The following LRP1B variants were observed in gnomAD, a reference collection of about 807,000 sequenced individuals.
LRP1B encodes LDL receptor related protein 1B.
LRP1B carries 217 observed loss-of-function variants against 556.6 expected under a neutral mutation model. That is an observed-to-expected ratio of 0.39 (90% CI 0.35 to 0.44). The LOEUF is 0.44. LRP1B is among the 20% of genes least tolerant of loss of function. The pLI, the probability that LRP1B is intolerant of heterozygous loss-of-function variation, is 1.00. For synonymous variants in LRP1B, 2,047 were observed against 1,865.8 expected (o/e 1.10, Z -2.50); for missense variants, 5,053 against 5,620.8 (o/e 0.90, Z 3.23).
intron 35 of LRP1B, among the ~76,000 whole-genome samples, chr2:140,725,940 A>G (rs940109295): frequency 1.3e-5 from 2 of 152,178 alleles, no homozygotes; most frequent in African/African-American, 4.8e-5. Flanking sequence ...TAAATTCAGT[A>G]GTTCTCAAAT....
At chr2:140,794,825 C>A (rs1422638450) in intron 32 of LRP1B, among the ~76,000 whole-genome samples, 2 of 152,020 alleles carry the variant, frequency 1.3e-5, no homozygotes, top group South Asian at 4.2e-4. Context: ...GTTGGTCAGG[C>A]TGGTCTCAAA....
At chr2:142,122,091 T>C (rs978414448) in intron 1 of LRP1B, among the ~76,000 whole-genome samples, 1 of 152,126 alleles carries the variant, frequency 6.6e-6, no homozygotes, top group African/African-American at 2.4e-5. Context: ...CATAGCTATG[T>C]TTATCTTCTC....
At chr2:141,932,347 G>C (rs74685739) in intron 1 of LRP1B, among the ~76,000 whole-genome samples, 6 of 151,964 alleles carry the variant, frequency 3.9e-5, no homozygotes, top group Admixed American at 3.9e-4. Context: ...AGAGTACACC[G>C]TTCATTACTT....
At chr2:140,689,118 C>G (rs1181936502) in intron 41 of LRP1B, among the ~76,000 whole-genome samples, 1 of 152,182 alleles carries the variant, frequency 6.6e-6, no homozygotes. Flanking sequence ...TTAAAGCAAA[C>G]TAAATATGGC....
intron 3 of LRP1B, among the ~76,000 whole-genome samples, chr2:141,380,319 T>C (rs1689590845): frequency 6.6e-6 from 1 of 152,110 alleles, no homozygotes; most frequent in South Asian, 2.1e-4. Context: ...TCCAAGAGTC[T>C]GGCTTCTAAC....
intron 1 of LRP1B, among the ~76,000 whole-genome samples, chr2:141,959,159 T>C (rs1448841009): frequency 6.6e-6 from 1 of 151,600 alleles, no homozygotes; most frequent in East Asian, 1.9e-4. Flanking sequence ...AGAAACATCA[T>C]TTACTGAAAA....
intron 18 of LRP1B, among the ~76,000 whole-genome samples, chr2:140,962,362 C>T (rs759582444): frequency 3.3e-5 from 5 of 152,140 alleles, no homozygotes; most frequent in Non-Finnish European, 7.4e-5. Flanking sequence ...ATCTAGAACA[C>T]AGTGGCTAAA....
At chr2:141,238,646 G>A (rs1449623363) in intron 5 of LRP1B, among the ~76,000 whole-genome samples, 2 of 152,134 alleles carry the variant, frequency 1.3e-5, no homozygotes, top group African/African-American at 4.8e-5. Context: ...TTGTTTGGCA[G>A]TGATAAATTC....
intron 1 of LRP1B, among the ~76,000 whole-genome samples, chr2:141,976,499 C>G (rs1337089459): frequency 1.3e-5 from 2 of 152,020 alleles, no homozygotes; most frequent in African/African-American, 4.8e-5. Context: ...GATCTCTCTG[C>G]TTTAGTGGGG....
intron 40 of LRP1B, among the ~76,000 whole-genome samples, 162 bp downstream of exon 40, chr2:140,701,559 T>A (rs1417337205): frequency 1.3e-5 from 2 of 152,126 alleles, no homozygotes; most frequent in East Asian, 1.9e-4. Context: ...GACATATTTA[T>A]TGTATTAGGC....
intron 31 of LRP1B, among the ~76,000 whole-genome samples, chr2:140,832,680 G>A (rs1458556095): frequency 6.6e-6 from 1 of 152,164 alleles, no homozygotes; most frequent in East Asian, 1.9e-4. Context: ...ATATATGGAA[G>A]CTAAAAAAGT....
chr2:140,410,657 T>G (rs1165834258), intron 66 of LRP1B, among the ~76,000 whole-genome samples: 2 of 152,170 alleles, frequency 1.3e-5, no homozygotes, highest in East Asian at 3.8e-4. Flanking sequence ...AAGCAAAGTA[T>G]CTCAATGGAT....
rs1446240887 is a variant in LRP1B, at chr2:140,867,773, G to T, written c.4396C>A (p.His1466Asn). ...GCAAAGGGATGGGAAAGGTATTCATGACCTCGGATGATTTCTATCATGTTT... is the reference window on the plus strand; with the variant it reads ...GCAAAGGGATGGGAAAGGTATTCATTACCTCGGATGATTTCTATCATGTTT... Reference protein sequence around the residue: ...GTNMIEIIRGHEYLSHPFAVS... With the variant: ...GTNMIEIIRGNEYLSHPFAVS... The change falls in exon 27 of 91, where the codon CAT becomes AAT. Residue 1466 changes from histidine (H) to asparagine (N), a missense_variant. By Grantham distance (68) the His-to-Asn change is moderately conservative. Around this residue, in one of 5 missense-constraint regions of LRP1B, gnomAD observed 3,619 missense variants for 3,931.9 expected, o/e 0.92. Transcript: ENST00000389484. The T allele has an allele frequency of 6.2e-7, 1 of 1,607,734 alleles. No individual in the cohort carries two copies. The highest frequency in any genetic ancestry group is 8.5e-7 in the Non-Finnish European group (1 of 1,176,708).
At chr2:140,730,502 A>C (rs1687741125) in intron 35 of LRP1B, among the ~76,000 whole-genome samples, 1 of 152,196 alleles carries the variant, frequency 6.6e-6, no homozygotes, top group African/African-American at 2.4e-5. Flanking sequence ...ATAAAGTATA[A>C]AATTAAACAG....
At chr2:140,652,802 G>T (rs1053002819) in intron 41 of LRP1B, among the ~76,000 whole-genome samples, 18 of 152,038 alleles carry the variant, frequency 1.2e-4, no homozygotes, top group African/African-American at 3.6e-4. Flanking sequence ...AGTGTATCTT[G>T]ATAATGGAAA....
At chr2:140,540,320 C>T (rs570605727) in intron 45 of LRP1B, among the ~76,000 whole-genome samples, 1 of 152,084 alleles carries the variant, frequency 6.6e-6, no homozygotes, top group Non-Finnish European at 1.5e-5. Context: ...AGGAAATTAA[C>T]CTTTTTTAAA....
chr2:142,031,212 T>C (rs1703681450), intron 1 of LRP1B, among the ~76,000 whole-genome samples: 1 of 151,750 alleles, frequency 6.6e-6, no homozygotes, highest in Non-Finnish European at 1.5e-5. Context: ...TAAATGTGCA[T>C]GTGAAAGAGA....
intron 1 of LRP1B, among the ~76,000 whole-genome samples, chr2:142,016,428 CA>C (rs1703132025): frequency 6.6e-6 from 1 of 152,084 alleles, no homozygotes; most frequent in Non-Finnish European, 1.5e-5. Context: ...GGAACCAACC[CA>C]AATGCCCATC....
intron 2 of LRP1B, among the ~76,000 whole-genome samples, chr2:141,738,386 C>T (rs1253417407): frequency 1.3e-5 from 2 of 152,114 alleles, no homozygotes; most frequent in East Asian, 3.9e-4. Flanking sequence ...CAATGCAGTG[C>T]TCCATGTACA....
Sources: allele counts gnomAD v4.1 joint callset (sites outside exome capture counted in the v4.1 genomes callset), GRCh38; gene constraint gnomAD v4.1.1; regional missense constraint gnomAD v4.1.1; transcripts MANE v1.5; gene names NCBI Gene and HGNC (gene_info 2026-07-23, HGNC 2026-07-21).